Variants in LYG2 observed in about 807,000 individuals in gnomAD.
LYG2 encodes lysozyme g-like protein 2.
LYG2 carries 25 observed loss-of-function variants against 22.4 expected under a neutral mutation model. The ratio of observed to expected loss-of-function variants is 1.12; its 90% CI spans 0.81 to 1.56. The LOEUF (loss-of-function observed/expected upper bound fraction) is 1.56. Ranked by LOEUF, LYG2 falls within the 40% of genes most tolerant of loss-of-function variation. LYG2 has a pLI of 0.00. For missense variants in LYG2, 266 were observed against 269.5 expected, an observed-to-expected ratio of 0.99 and a Z score of 0.09; for synonymous variants, 88 against 97.0, an observed-to-expected ratio of 0.91 and a Z score of 0.55.
rs1449994036 is a variant in LYG2 at position 99,244,019 on chromosome 2, C to T, written c.500G>A (p.Ser167Asn). 1 of 1,614,096 alleles carries T rather than the reference C, an allele frequency of 6.2e-7. No individual in the cohort carries two copies. The highest frequency in any genetic ancestry group is 1.3e-5 in the African/African-American group (1 of 75,026). The change falls in exon 6 of 7, where the codon AGT becomes AAT. Residue 167 changes from serine to asparagine, a missense_variant. Ser to Asn is a conservative substitution (Grantham distance 46, BLOSUM62 1). Transcript: ENST00000333017. ...KAIQKKFPTW[S>N]VAQHLKGGLS... ...CCTACCTTTGAGGTGCTGAGCAACA[C>T]TCCACGTGGGGAATTTTTTCTGGAT...
rs1297734997 is a variant in LYG2, at chr2:99,254,211, G to T, written c.43+7C>A. On this transcript the variant is annotated splice_region_variant and intron_variant, in intron 3 of 6. Coordinates refer to ENST00000333017, the MANE Select transcript of LYG2 (RefSeq NM_175735.4). ...TGAACAATGCTAAATCTCAGCCAGT[G>T]ACTTACCAATGAGGGCAATTAGTCC... The T allele has an allele frequency of 6.2e-7, 1 of 1,613,512 alleles. No individual in the cohort carries two copies. Among genetic ancestry groups the T allele is most frequent in the East Asian group, 2.2e-5 (1 of 44,868 alleles).
intron 3 of LYG2, among the ~76,000 whole-genome samples, 158 bp from the exon 4 acceptor site, chr2:99,246,978 C>T (rs2094017120): frequency 1.3e-5 from 2 of 152,216 alleles, no homozygotes; most frequent in South Asian, 4.1e-4. Flanking sequence ...TCCCCATGCC[C>T]ACTCTGCTCC....
At chr2:99,250,373 C>CTTT (rs531807991) in intron 3 of LYG2, among the ~76,000 whole-genome samples, 7 of 130,372 alleles carry the variant, frequency 5.4e-5, no homozygotes, top group Non-Finnish European at 8.1e-5. Context: ...TTTTCCAACT[C>CTTT]TTTTTTTTTT....
chr2:99,247,589 C>T (rs1038578545), intron 3 of LYG2, among the ~76,000 whole-genome samples: 1 of 152,224 alleles, frequency 6.6e-6, no homozygotes, highest in South Asian at 2.1e-4. Context: ...GCCTCCCTAC[C>T]TTCCTCCCTC....
intron 3 of LYG2, among the ~76,000 whole-genome samples, chr2:99,249,075 C>T (rs1559206422): frequency 6.6e-6 from 1 of 152,110 alleles, no homozygotes; most frequent in African/African-American, 2.4e-5. Context: ...TTTGTTCTAA[C>T]GGTTTCAAGG....
At chr2:99,251,954 C>A (rs1395938207) in intron 3 of LYG2, among the ~76,000 whole-genome samples, 1 of 111,270 alleles carries the variant, frequency 9.0e-6, no homozygotes. Flanking sequence ...TGCCACCACA[C>A]CTGGCTAATT....
At chr2:99,245,486 T>A (rs1339345338) in intron 4 of LYG2, 28 bp from the exon 5 acceptor site, 1 of 1,492,646 alleles carries the variant, frequency 6.7e-7, no homozygotes, top group African/African-American at 1.4e-5. Flanking sequence ...AAACTGTTTT[T>A]CCGGGCATGG....
At chr2:99,259,959 C>CTTT (rs56186823), upstream of LYG2, among the ~76,000 whole-genome samples, 3 of 114,928 alleles carry the variant, frequency 2.6e-5, no homozygotes, top group African/African-American at 6.7e-5. Flanking sequence ...CAAAAGTAAA[C>CTTT]TTTTTTTTTT....
In LYG2 at chr2:99,242,318, G is replaced by A. The variant is rs202072872; in HGVS notation, c.*46C>T. ...ACATTCACGTAAAACTCTCAAAGGC[G>A]GCCATCTGAGCACTCTGCCAACCTG... On this transcript the variant is annotated 3_prime_UTR_variant, in exon 7 of 7. Transcript: ENST00000333017. 23 of 1,041,536 alleles carry A rather than the reference G, an allele frequency of 2.2e-5. No homozygotes were observed. In the African/African-American group the frequency reaches 2.2e-4, roughly 10 times the overall value. 64.5% of individuals were successfully genotyped at this position (1,041,536 alleles called of 1,614,324 possible).
At chr2:99,247,885 G>GA (rs1252683005) in intron 3 of LYG2, among the ~76,000 whole-genome samples, 8 of 151,594 alleles carry the variant, frequency 5.3e-5, no homozygotes, top group Non-Finnish European at 1.0e-4. Context: ...AAATTTACAA[G>GA]AAAAAAACAA....
chr2:99,257,640 A>G (rs777053691), upstream of LYG2, among the ~76,000 whole-genome samples: 6 of 152,166 alleles, frequency 3.9e-5, no homozygotes, highest in Admixed American at 2.0e-4. Flanking sequence ...TATGCAAGCA[A>G]TTTCTGTGCT....
At chr2:99,256,686 A>G (rs2094036964), upstream of LYG2, among the ~76,000 whole-genome samples, 1 of 152,232 alleles carries the variant, frequency 6.6e-6, no homozygotes, top group South Asian at 2.1e-4. Flanking sequence ...GCACTGTTGA[A>G]TGTGAAGAAT....
chr2:99,256,221 T>C (rs532409021), upstream of LYG2, among the ~76,000 whole-genome samples: 2 of 152,312 alleles, frequency 1.3e-5, no homozygotes, highest in South Asian at 4.1e-4. Flanking sequence ...TCCACTGGCA[T>C]TCACTTCTGC....
intron 6 of LYG2, 94 bp downstream of exon 6, chr2:99,243,905 C>T: frequency 6.8e-7 from 1 of 1,474,846 alleles, no homozygotes. Context: ...ACTGCTGACC[C>T]CGTGGAAATG....
At chr2:99,243,295 G>A in intron 6 of LYG2, 1 of 744,194 alleles carries the variant, frequency 1.3e-6, no homozygotes, top group Non-Finnish European at 2.2e-6. Context: ...CAAATTTATA[G>A]TGGGAAGTTA....
At chr2:99,247,138 G>C (rs1464924402) in intron 3 of LYG2, among the ~76,000 whole-genome samples, 1 of 152,002 alleles carries the variant, frequency 6.6e-6, no homozygotes, top group African/African-American at 2.4e-5. Context: ...TGTTGTCCAG[G>C]CTGGAGTGCA....
At position 99,245,408 on chromosome 2, in the gene LYG2, G is replaced by GT; in HGVS notation, c.234dup (p.Pro79ThrfsTer44). On this transcript the variant is annotated frameshift_variant, in exon 5 of 7. Transcript: ENST00000333017. LOFTEE classifies it high-confidence loss of function. Reference sequence around the variant, plus strand: ...ACTTCTTTGATCAGAGTCTGGTAAGGTTTTATGGCCCTCAAATCCATCTCA... The same window carrying GT: ...ACTTCTTTGATCAGAGTCTGGTAAGGTTTTTATGGCCCTCAAATCCATCTCA... 1 of 1,611,756 alleles carries GT rather than the reference G, an allele frequency of 6.2e-7. No homozygotes were observed. The highest frequency in any genetic ancestry group is 8.5e-7 in the Non-Finnish European group (1 of 1,178,906).
chr2:99,243,693 C>CTT (rs999579137), intron 6 of LYG2: 3,149 of 156,890 alleles, frequency 0.02, 5 homozygotes, highest in Middle Eastern at 0.031. Context: ...CCATGCCCAG[C>CTT]TTTTTTTTTT....
intron 3 of LYG2, among the ~76,000 whole-genome samples, chr2:99,248,483 A>T (rs1361979035): frequency 6.6e-6 from 1 of 151,802 alleles, no homozygotes; most frequent in Non-Finnish European, 1.5e-5. Context: ...ATCACCAAGG[A>T]CAAAAAACCA....
Sources: allele counts gnomAD v4.1 joint callset (sites outside exome capture counted in the v4.1 genomes callset), GRCh38; gene constraint gnomAD v4.1.1; transcripts MANE v1.5; gene names NCBI Gene and HGNC (gene_info 2026-07-23, HGNC 2026-07-21).